Variants in CACHD1 observed in about 807,000 individuals in gnomAD.
CACHD1 encodes VWFA and cache domain-containing protein 1.
Under a neutral mutation model 138.7 loss-of-function variants are expected in CACHD1, and 71 were observed. The observed-to-expected ratio is 0.51, with a 90% confidence interval of 0.42 to 0.62. The LOEUF is 0.62. Among genes scored for constraint, CACHD1 ranks in the 20% least tolerant of loss-of-function variants. The pLI, the probability that CACHD1 is intolerant of heterozygous loss-of-function variation, is 0.00. For missense variants in CACHD1, 1,389 were observed against 1,625.3 expected, an observed-to-expected ratio of 0.85 and a Z score of 2.50; for synonymous variants, 578 against 591.5, an observed-to-expected ratio of 0.98 and a Z score of 0.33.
intron 7 of CACHD1, among the ~76,000 whole-genome samples, chr1:64,635,848 A>G (rs928608171): frequency 1.3e-5 from 2 of 151,924 alleles, no homozygotes; most frequent in Non-Finnish European, 2.9e-5. Flanking sequence ...GCGGTGGCTC[A>G]TGCCTGTAAT....
intron 1 of CACHD1, among the ~76,000 whole-genome samples, chr1:64,500,734 A>AAAAAAAAAAAAAAG (rs1646334067): frequency 3.8e-5 from 1 of 26,458 alleles, no homozygotes; most frequent in Non-Finnish European, 1.1e-4. Flanking sequence ...AAAAAAAAAA[A>AAAAAAAAAAAAAAG]AGAGAGAGAG....
chr1:64,487,078 G>A (rs930383574), intron 1 of CACHD1, among the ~76,000 whole-genome samples: 1 of 152,074 alleles, frequency 6.6e-6, no homozygotes, highest in African/African-American at 2.4e-5. Flanking sequence ...AAGAAAGGTG[G>A]GAATAAAGGA....
intron 1 of CACHD1, among the ~76,000 whole-genome samples, chr1:64,528,159 A>G (rs1356959811): frequency 6.6e-6 from 1 of 152,208 alleles, no homozygotes; most frequent in Non-Finnish European, 1.5e-5. Context: ...GGAGATGGAT[A>G]TTATTATCTC....
intron 1 of CACHD1, among the ~76,000 whole-genome samples, chr1:64,526,823 C>T (rs1266284209): frequency 6.6e-6 from 1 of 152,166 alleles, no homozygotes; most frequent in African/African-American, 2.4e-5. Context: ...CTCCACCCAC[C>T]TCTGGTTTGG....
rs1037228437 is a variant in CACHD1 at position 64,677,265 on chromosome 1, G to A, written c.3092+254G>A. On this transcript the variant is annotated intron_variant, in intron 22 of 26. Transcript: ENST00000651257. ...TTGTGAGGGGCCATGGCATGAAGCA[G>A]CAGGGCAAGGGAGGAGGAACCCCTG... Among the ~76,000 whole-genome samples, 19 of 152,188 alleles carry A rather than the reference G, an allele frequency of 1.2e-4. 1 individual carries two copies. Among genetic ancestry groups the A allele is most frequent in the Admixed American group, 1.2e-3 (19 of 15,288 alleles).
rs1443322888 is a variant in CACHD1, at chr1:64,664,483, T to C, written c.2095-15T>C. ...GTTTTAAAGGATCCCTGCTATGTCTTCCTTTGTTTCCCAGTTCTCTGTCAG... is the reference window on the plus strand; with the variant it reads ...GTTTTAAAGGATCCCTGCTATGTCTCCCTTTGTTTCCCAGTTCTCTGTCAG... On this transcript the variant is annotated splice_polypyrimidine_tract_variant and intron_variant, in intron 14 of 26. Coordinates refer to ENST00000651257, the MANE Select transcript of CACHD1 (RefSeq NM_020925.4). 1 of 1,613,508 alleles carries C rather than the reference T, an allele frequency of 6.2e-7. No homozygotes were observed. The highest frequency in any genetic ancestry group is 1.1e-5 in the South Asian group (1 of 91,044).
intron 2 of CACHD1, among the ~76,000 whole-genome samples, chr1:64,572,235 C>T (rs554882013): frequency 2.0e-5 from 3 of 152,212 alleles, no homozygotes; most frequent in East Asian, 1.9e-4. Flanking sequence ...CTCAGCTTCT[C>T]GATTTTTTTT....
At chr1:64,596,779 A>G (rs1185870002) in intron 3 of CACHD1, among the ~76,000 whole-genome samples, 4 of 152,188 alleles carry the variant, frequency 2.6e-5, no homozygotes, top group African/African-American at 4.8e-5. Context: ...AGTAAAGAAT[A>G]TTCCCTACCC....
chr1:64,519,614 A>C (rs1646483196), intron 1 of CACHD1, among the ~76,000 whole-genome samples: 1 of 152,248 alleles, frequency 6.6e-6, no homozygotes, highest in Admixed American at 6.5e-5. Context: ...ACTATCAATC[A>C]GATCCTCTGA....
At position 64,524,768 on chromosome 1, in the gene CACHD1, G is replaced by A. The variant is rs562234993; in HGVS notation, c.199-25826G>A. ...TTTTTAAGTTACAAAAATAACTCTGGAAGCAAAGACACATGATGATGATGA... is the reference window on the plus strand; with the variant it reads ...TTTTTAAGTTACAAAAATAACTCTGAAAGCAAAGACACATGATGATGATGA... On this transcript the variant is annotated intron_variant, in intron 1 of 26. Coordinates refer to ENST00000651257, the MANE Select transcript of CACHD1 (RefSeq NM_020925.4). 4.6e-5 allele frequency among the ~76,000 whole-genome samples: 7 copies of A among 152,298 alleles called. 1 individual carries two copies. The East Asian group carries it at 1.3e-3, about 29-fold the overall frequency.
At chr1:64,514,855 T>C (rs116205084) in intron 1 of CACHD1, among the ~76,000 whole-genome samples, 4,134 of 152,308 alleles carry the variant, frequency 0.027, 90 homozygotes, top group African/African-American at 0.046. Context: ...GATTTGTTCT[T>C]ACAGAATCCA....
At chr1:64,577,262 G>A (rs1646975812) in intron 2 of CACHD1, among the ~76,000 whole-genome samples, 1 of 151,536 alleles carries the variant, frequency 6.6e-6, no homozygotes, top group African/African-American at 2.4e-5. Context: ...TTATATTTGT[G>A]GTAAAATTTA....
rs770419340 is a variant in CACHD1, at chr1:64,647,972, T to G, written c.1328T>G (p.Leu443Arg). 2.9e-5 allele frequency: 46 copies of G among 1,613,928 alleles called. No individual in the cohort carries two copies. In the South Asian group the frequency reaches 4.9e-4, roughly 17 times the overall value. Residue 443 changes from leucine (L) to arginine (R), a missense_variant, in exon 9 of 27, where the codon CTT becomes CGT. This residue lies in a region of CACHD1 where 1,000 missense variants were observed against 1,114.7 expected (regional missense o/e 0.90). Transcript: ENST00000651257. Reference protein sequence around the residue: ...ETTVGRFYTNLPNRMIDEAVF... With the variant: ...ETTVGRFYTNRPNRMIDEAVF... ...ACAGTGGGCAGGTTCTACACAAACC[T>G]TCCCAACCGGATGATTGATGAAGCC... is the stretch of plus-strand genomic sequence containing the variant.
intron 1 of CACHD1, among the ~76,000 whole-genome samples, chr1:64,485,152 A>G (rs1409708257): frequency 1.3e-5 from 2 of 152,054 alleles, no homozygotes; most frequent in African/African-American, 4.8e-5. Context: ...TGTTTGGTTT[A>G]TTTGTTTTAC....
intron 7 of CACHD1, among the ~76,000 whole-genome samples, chr1:64,637,129 A>C (rs1416460766): frequency 6.6e-6 from 1 of 152,168 alleles, no homozygotes; most frequent in Non-Finnish European, 1.5e-5. Flanking sequence ...TCCTCACTAG[A>C]AGTGTTCTTT....
chr1:64,661,891 G>A (rs1343813594), intron 13 of CACHD1, among the ~76,000 whole-genome samples: 1 of 152,174 alleles, frequency 6.6e-6, no homozygotes, highest in South Asian at 2.1e-4. Flanking sequence ...CCAACCTACT[G>A]AGGACAACTA....
intron 3 of CACHD1, among the ~76,000 whole-genome samples, chr1:64,585,015 T>A (rs545096481): frequency 2.9e-4 from 44 of 152,266 alleles, no homozygotes; most frequent in African/African-American, 1.0e-3. Flanking sequence ...ATCACAAAAA[T>A]ATATATAATA....
intron 2 of CACHD1, among the ~76,000 whole-genome samples, chr1:64,576,141 C>T (rs756385721): frequency 1.7e-4 from 26 of 152,172 alleles, no homozygotes; most frequent in Non-Finnish European, 2.6e-4. Context: ...CATCCGTATT[C>T]AGGAACCCCT....
chr1:64,654,661 T>G (rs200254712), intron 11 of CACHD1, 25 bp from the exon 12 acceptor site: 1 of 1,536,168 alleles, frequency 6.5e-7, no homozygotes, highest in Admixed American at 1.7e-5. Context: ...TTGCCTGAAA[T>G]ATTTAATTCT....
Sources: allele counts gnomAD v4.1 joint callset (sites outside exome capture counted in the v4.1 genomes callset), GRCh38; gene constraint gnomAD v4.1.1; regional missense constraint gnomAD v4.1.1; transcripts MANE v1.5; gene names NCBI Gene and HGNC (gene_info 2026-07-23, HGNC 2026-07-21).